The following MYL3 variants were observed in gnomAD, a reference collection of about 807,000 sequenced individuals.
MYL3 encodes the protein myosin light chain 3.
Under a neutral mutation model 21.3 loss-of-function variants are expected in MYL3, and 11 were observed. That is an observed-to-expected ratio of 0.52 (90% CI 0.32 to 0.85). The LOEUF is 0.85. MYL3 is among the 40% of genes least tolerant of loss of function. The pLI is 0.03. For synonymous variants in MYL3, 88 were observed against 91.6 expected (o/e 0.96, Z 0.22); for missense variants, 206 against 253.3 (o/e 0.81, Z 1.27).
At position 46,874,856 on chromosome 3, in the gene MYL3, C is replaced by T. The variant is rs1432490000; in HGVS notation, c.-218+7218G>A. 6.6e-6 allele frequency among the ~76,000 whole-genome samples: 1 copy of T among 152,054 alleles called. No individual in the cohort carries two copies. Among genetic ancestry groups the T allele is most frequent in the African/African-American group, 2.4e-5 (1 of 41,370 alleles). On this transcript the variant is annotated intron_variant, in intron 1 of 3. Transcript: ENST00000431168. The surrounding 1 kb of genome is among the most constrained non-coding windows in gnomAD (Gnocchi z 4.1). ...CCCGCTTTGGACCCCCAACCAGTGTCCCCAGTGGCTGGCCAGGTTGCCCGG... is the reference window on the plus strand; with the variant it reads ...CCCGCTTTGGACCCCCAACCAGTGTTCCCAGTGGCTGGCCAGGTTGCCCGG...
At chr3:46,866,899 C>A (rs184029822), upstream of MYL3, among the ~76,000 whole-genome samples, 2 of 152,288 alleles carry the variant, frequency 1.3e-5, no homozygotes, top group Admixed American at 1.3e-4. Flanking sequence ...GTGGTACAGG[C>A]AGTGACTGGA....
At chr3:46,881,826 A>T (rs1470332327) in intron 1 of MYL3, among the ~76,000 whole-genome samples, 3 of 152,072 alleles carry the variant, frequency 2.0e-5, no homozygotes, top group Non-Finnish European at 4.4e-5. Context: ...AGCCCAGTGG[A>T]CTGACAGCGT....
chr3:46,872,130 A>C lies in MYL3; in HGVS notation c.-217-5530T>G, dbSNP rs935347900. 5.3e-5 allele frequency among the ~76,000 whole-genome samples: 8 copies of C among 152,244 alleles called. No homozygotes were observed. In the South Asian group the frequency reaches 1.0e-3, roughly 20 times the overall value. ...TGCAGCCAGGGTGGGGCATCCCTGG[A>C]CCTGAGTGTCCTCCTTCCCCACTGC... On this transcript the variant is annotated intron_variant, in intron 1 of 3. Coordinates refer to the MYL3 transcript ENST00000431168.
In MYL3 at chr3:46,879,546, C is replaced by A. The variant is rs996829025; in HGVS notation, c.-218+2528G>T. On this transcript the variant is annotated intron_variant, in intron 1 of 3. Coordinates refer to the MYL3 transcript ENST00000431168. The surrounding 1 kb of genome is among the most constrained non-coding windows in gnomAD (Gnocchi z 4.7). ...CTGCTTGAGCCCAAGAGTTGGAGACCAGTCTAGGCAACAAAGTGAGACCTC... is the reference window on the plus strand; with the variant it reads ...CTGCTTGAGCCCAAGAGTTGGAGACAAGTCTAGGCAACAAAGTGAGACCTC... Among the ~76,000 whole-genome samples, 1 of 151,984 alleles carries A rather than the reference C, an allele frequency of 6.6e-6. No individual in the cohort carries two copies. Among genetic ancestry groups the A allele is most frequent in the Non-Finnish European group, 1.5e-5 (1 of 68,004 alleles).
intron 1 of MYL3, among the ~76,000 whole-genome samples, chr3:46,876,845 G>A (rs1447371606): frequency 6.6e-6 from 1 of 152,188 alleles, no homozygotes; most frequent in Non-Finnish European, 1.5e-5. Flanking sequence ...ACTGGGCTCA[G>A]GCAGAAGGGC....
At chr3:46,863,540 G>C, upstream of MYL3, 1 of 829,524 alleles carries the variant, frequency 1.2e-6, no homozygotes, top group East Asian at 2.7e-5. Context: ...GCCATAAAAG[G>C]ATATGGCTAG....
rs1304943097 is a variant in MYL3 at position 46,860,184 on chromosome 3, A to G, written c.307+492T>C. On this transcript the variant is annotated intron_variant, in intron 3 of 6. Coordinates refer to ENST00000292327, the MANE Select transcript of MYL3 (RefSeq NM_000258.3). The surrounding 1 kb of genome is among the most constrained non-coding windows in gnomAD (Gnocchi z 4.6). ...TGTTACGTCACACAGACTGGAGTAC[A>G]GTGGTGTGATTATAGCTCACTGCAA... 2.6e-5 allele frequency among the ~76,000 whole-genome samples: 4 copies of G among 151,984 alleles called. No homozygotes were observed. The highest frequency in any genetic ancestry group is 9.7e-5 in the African/African-American group (4 of 41,350).
Position 46,870,088 on chromosome 3 carries a change from T to C in MYL3, c.-217-3488A>G, listed in dbSNP as rs1430873700. Among the ~76,000 whole-genome samples the C allele has an allele frequency of 5.3e-5, 8 of 151,522 alleles. No individual in the cohort carries two copies. The South Asian group carries it at 6.3e-4, about 12-fold the overall frequency. The stretch of plus-strand genomic sequence containing the variant: ...AGAAACAGGGGGGAGAGAGGGTTGG[T>C]AGGAGGGTCAGGGACAAATGTTGCC... On this transcript the variant is annotated intron_variant, in intron 1 of 3. Transcript: ENST00000431168.
chr3:46,865,082 G>A (rs1336857955), upstream of MYL3, among the ~76,000 whole-genome samples: 4 of 152,182 alleles, frequency 2.6e-5, no homozygotes, highest in East Asian at 3.9e-4. This position sits in a 1 kb window ranked among gnomAD's most constrained non-coding sequence, Gnocchi z 4.3. Context: ...GTGCTGTGGG[G>A]CCCAGGGCCT....
At chr3:46,872,935 C>T (rs890872189) in intron 1 of MYL3, among the ~76,000 whole-genome samples, 1 of 152,206 alleles carries the variant, frequency 6.6e-6, no homozygotes, top group African/African-American at 2.4e-5. Flanking sequence ...AACTGAGAGA[C>T]AAAGAGGTAA....
chr3:46,873,555 G>A lies in MYL3; in HGVS notation c.-217-6955C>T, dbSNP rs766003959. ...TGATTGGAAAAATTGATGTGGGGCC[G>A]CTGAGTTTAAGGGCGGGGGTGGTCA... On this transcript the variant is annotated intron_variant, in intron 1 of 3. Coordinates refer to the MYL3 transcript ENST00000431168. Among the ~76,000 whole-genome samples, 6 of 152,222 alleles carry A rather than the reference G, an allele frequency of 3.9e-5. No homozygotes were observed. In the South Asian group the frequency reaches 6.2e-4, roughly 16 times the overall value.
chr3:46,860,552 C>T lies in MYL3; in HGVS notation c.307+124G>A. On this transcript the variant is annotated intron_variant, in intron 3 of 6. Transcript: ENST00000292327. The surrounding 1 kb of genome is among the most constrained non-coding windows in gnomAD (Gnocchi z 4.6). The stretch of plus-strand genomic sequence containing the variant: ...CATGGCCCTGTGACTGGCCTCGGTG[C>T]CCTCATCGGGACAATGCGAGATGTC... 7.3e-7 allele frequency: 1 copy of T among 1,377,588 alleles called. No homozygotes were observed. The highest frequency in any genetic ancestry group is 9.9e-7 in the Non-Finnish European group (1 of 1,008,404). The allele number at this position is 1,377,588 out of a possible 1,614,324, so 85.3% of individuals were successfully genotyped here. A position where few individuals can be genotyped will look rare whatever the true frequency, so the allele number is the denominator to read the frequency against.
chr3:46,865,045 G>A (rs1280516687), upstream of MYL3, among the ~76,000 whole-genome samples: 2 of 152,204 alleles, frequency 1.3e-5, no homozygotes, highest in Non-Finnish European at 2.9e-5. This position sits in a 1 kb window ranked among gnomAD's most constrained non-coding sequence, Gnocchi z 4.3. Context: ...CCCTGGTGTG[G>A]CAAGGGGCTA....
At chr3:46,862,802 C>T (rs535099882) in intron 1 of MYL3, among the ~76,000 whole-genome samples, 36 of 152,274 alleles carry the variant, frequency 2.4e-4, no homozygotes, top group African/African-American at 8.2e-4. Context: ...GTGATTTGAA[C>T]GAGACCCAGC....
At chr3:46,858,617 C>T (rs536852877) in intron 4 of MYL3, among the ~76,000 whole-genome samples, 156 bp from the exon 5 acceptor site, 1 of 152,200 alleles carries the variant, frequency 6.6e-6, no homozygotes, top group Non-Finnish European at 1.5e-5. Context: ...ATTTCTGAGG[C>T]CAGGAGAATC....
At chr3:46,866,555 G>A (rs1226528741), upstream of MYL3, 1 of 152,386 alleles carries the variant, frequency 6.6e-6, no homozygotes, top group African/African-American at 2.4e-5. Context: ...AGCCATCACA[G>A]GAGGGAGGAA....
At chr3:46,872,308 G>A (rs377249527) in intron 1 of MYL3, among the ~76,000 whole-genome samples, 15 of 152,296 alleles carry the variant, frequency 9.8e-5, no homozygotes, top group African/African-American at 2.9e-4. Flanking sequence ...GAGTTCCTGC[G>A]CCCCGAGGGA....
rs1701989992 is a variant in MYL3 at position 46,861,366 on chromosome 3, G to A, written c.130-379C>T. Among the ~76,000 whole-genome samples, 1 of 152,242 alleles carries A rather than the reference G, an allele frequency of 6.6e-6. No homozygotes were observed. The highest frequency in any genetic ancestry group is 1.5e-5 in the Non-Finnish European group (1 of 68,040). On this transcript the variant is annotated intron_variant, in intron 1 of 6. Transcript: ENST00000292327. The surrounding 1 kb of genome is among the most constrained non-coding windows in gnomAD (Gnocchi z 4.2). ...CCCAGTCAGGCTGGCTTTGCTTGGGGCCTGGTGGGCAGGACTGTCAGCAAA... is the reference window on the plus strand; with the variant it reads ...CCCAGTCAGGCTGGCTTTGCTTGGGACCTGGTGGGCAGGACTGTCAGCAAA...
In MYL3 at chr3:46,874,195, T is replaced by C. The variant is rs1045786912; in HGVS notation, c.-217-7595A>G. On this transcript the variant is annotated intron_variant, in intron 1 of 3. Transcript: ENST00000431168. The surrounding 1 kb of genome is among the most constrained non-coding windows in gnomAD (Gnocchi z 4.1). ...TCCCCTCTCCAGCCAGTTCAGCCAA[T>C]GTCCACGGTGCCTCTGGGCCAGGCT... Among the ~76,000 whole-genome samples the C allele has an allele frequency of 3.9e-5, 6 of 152,168 alleles. No homozygotes were observed. The highest frequency in any genetic ancestry group is 6.5e-5 in the Admixed American group (1 of 15,284).
Sources: allele counts gnomAD v4.1 joint callset (sites outside exome capture counted in the v4.1 genomes callset), GRCh38; gene constraint gnomAD v4.1.1; non-coding constraint Gnocchi (gnomAD v3.1); transcripts MANE v1.5; gene names NCBI Gene and HGNC (gene_info 2026-07-23, HGNC 2026-07-21).